The following C14orf119 variants were observed in gnomAD, a reference collection of about 807,000 sequenced individuals.
The protein encoded by C14orf119 is uncharacterized protein C14orf119.
In C14orf119, 17 loss-of-function variants were observed where a neutral mutation model predicts 13.5. The ratio of observed to expected loss-of-function variants is 1.26; its 90% CI spans 0.86 to 1.88. The LOEUF (loss-of-function observed/expected upper bound fraction) is 1.88, where lower values mean the gene tolerates loss of function less well. Ranked by LOEUF, C14orf119 falls within the 40% of genes most tolerant of loss-of-function variation. The pLI is 0.00. For synonymous variants in C14orf119, 61 were observed against 61.9 expected (o/e 0.99, Z 0.07); for missense variants, 162 against 165.9 (o/e 0.98, Z 0.13).
intron 1 of C14orf119, among the ~76,000 whole-genome samples, chr14:23,097,417 G>T (rs771227685): frequency 2.0e-5 from 3 of 152,208 alleles, no homozygotes; most frequent in Non-Finnish European, 4.4e-5. Flanking sequence ...AAGACAGTGG[G>T]TGGGGAAGAA....
At chr14:23,096,975 G>C (rs1354739118) in intron 1 of C14orf119, among the ~76,000 whole-genome samples, 2 of 152,096 alleles carry the variant, frequency 1.3e-5, no homozygotes, top group African/African-American at 4.8e-5. Context: ...AAACCAACTG[G>C]ACTCTTTTTT....
chr14:23,098,719 A>G lies in C14orf119; in HGVS notation c.*638A>G, dbSNP rs1271083726. ...AAGTTTGGAGTGCAGTGGCATGATC[A>G]TCAGTGAGCGTGAGATCACTGTAAC... On this transcript the variant is annotated 3_prime_UTR_variant, in exon 2 of 2. Coordinates refer to ENST00000319074, the MANE Select transcript of C14orf119 (RefSeq NM_017924.4). The G allele has an allele frequency of 6.0e-6, 1 of 167,342 alleles. No individual in the cohort carries two copies. Among genetic ancestry groups the G allele is most frequent in the Non-Finnish European group, 1.5e-5 (1 of 68,900 alleles). The allele number at this position is 167,342 out of a possible 1,614,324, so 10.4% of individuals were successfully genotyped here.
In C14orf119 at chr14:23,098,358, T is replaced by TCTG; in HGVS notation, c.*279_*281dup. On this transcript the variant is annotated 3_prime_UTR_variant, in exon 2 of 2. Transcript: ENST00000319074. ...AGTCCTCAAGAATTTGATGGCTTCT[T>TCTG]CTGCAGCTATAACCACAAGGAACCT... 1 of 404,548 alleles carries TCTG rather than the reference T, an allele frequency of 2.5e-6. No individual in the cohort carries two copies. Among genetic ancestry groups the TCTG allele is most frequent in the South Asian group, 3.3e-5 (1 of 30,734 alleles). The allele number at this position is 404,548 out of a possible 1,614,324, so 25.1% of individuals were successfully genotyped here.
In C14orf119 at chr14:23,098,066, A is replaced by T; in HGVS notation, c.408A>T (p.Thr136=). Residue 136 remains threonine (T), a synonymous_variant, in exon 2 of 2, where the codon ACA becomes ACT. Transcript: ENST00000319074. ...VAKFYQAVAA[T]AGKD is the part of the protein sequence containing the mutation. ...AGTTTTACCAAGCAGTGGCTGCTACAGCTGGTAAGGACTGATAGGCATTCA... is the reference window on the plus strand; with the variant it reads ...AGTTTTACCAAGCAGTGGCTGCTACTGCTGGTAAGGACTGATAGGCATTCA... 6.2e-7 allele frequency: 1 copy of T among 1,613,890 alleles called. No individual in the cohort carries two copies. Among genetic ancestry groups the T allele is most frequent in the Non-Finnish European group, 8.5e-7 (1 of 1,179,978 alleles).
At chr14:23,096,554 A>G (rs1309624833) in intron 1 of C14orf119, among the ~76,000 whole-genome samples, 1 of 144,646 alleles carries the variant, frequency 6.9e-6, no homozygotes, top group Admixed American at 6.9e-5. Flanking sequence ...ACCAATAGAT[A>G]CCATACTAAA....
In C14orf119 at chr14:23,100,409, A is replaced by G; in HGVS notation, c.*2328A>G. The stretch of plus-strand genomic sequence containing the variant: ...TGTTCTCTGAAACGCAACCCTGTCT[A>G]GGACAATATACACGTGAGTGAGTGC... On this transcript the variant is annotated 3_prime_UTR_variant, in exon 2 of 2. Transcript: ENST00000319074. 4.8e-6 allele frequency: 2 copies of G among 412,516 alleles called. No homozygotes were observed. Among genetic ancestry groups the G allele is most frequent in the Non-Finnish European group, 8.8e-6 (2 of 226,020 alleles). The allele number at this position is 412,516 out of a possible 1,614,324, so 25.6% of individuals were successfully genotyped here. A position where few individuals can be genotyped will look rare whatever the true frequency, so the allele number is the denominator to read the frequency against.
At position 23,097,686 on chromosome 14, in the gene C14orf119, C is replaced by G. The variant is rs778093768; in HGVS notation, c.28C>G (p.Pro10Ala). The G allele has an allele frequency of 9.3e-6, 15 of 1,614,084 alleles. No homozygotes were observed. Among genetic ancestry groups the G allele is most frequent in the Non-Finnish European group, 1.3e-5 (15 of 1,179,946 alleles). MPLESSSSM[P>A]LSFPSLLPSV... ...GCCACTGGAGTCATCCTCTTCAATG[C>G]CACTATCCTTCCCATCTCTCTTACC... Residue 10 changes from proline to alanine, a missense_variant, in exon 2 of 2, where the codon CCA becomes GCA. Pro to Ala is a conservative substitution (Grantham distance 27). Transcript: ENST00000319074.
Position 23,097,880 on chromosome 14 carries a change from G to GGATA in C14orf119, c.224_227dup (p.Ser76ArgfsTer2), listed in dbSNP as rs769811993. The GGATA allele has an allele frequency of 6.2e-7, 1 of 1,614,158 alleles. No individual in the cohort carries two copies. Among genetic ancestry groups the GGATA allele is most frequent in the Non-Finnish European group, 8.5e-7 (1 of 1,179,992 alleles). On this transcript the variant is annotated frameshift_variant, in exon 2 of 2. Transcript: ENST00000319074. LOFTEE classifies it high-confidence loss of function. ...TGCCAGAAAAATTACAACCACTGCTGGATAGTCTGGAGCAGCTTAGTGTGT... is the reference window on the plus strand; with the variant it reads ...TGCCAGAAAAATTACAACCACTGCTGGATAGATAGTCTGGAGCAGCTTAGTGTGT...
rs538913502 is a variant in C14orf119, at chr14:23,097,738, C to A, written c.80C>A (p.Ser27Tyr). ...LPSVPHNTNP[S>Y]PPLMSYITSQ... ...TCAGTACCACACAATACTAACCCTT[C>A]CCCTCCTCTGATGTCTTACATCACC... Residue 27 changes from serine to tyrosine, a missense_variant, in exon 2 of 2, where the codon TCC becomes TAC. Ser to Tyr is a moderately radical substitution (Grantham distance 144, BLOSUM62 -2). Coordinates refer to ENST00000319074, the MANE Select transcript of C14orf119 (RefSeq NM_017924.4). 146 of 1,614,030 alleles carry A rather than the reference C, an allele frequency of 9.0e-5. 2 individuals carry two copies. The South Asian group carries it at 1.5e-3, about 17-fold the overall frequency.
rs1202411202 is a variant in C14orf119, at chr14:23,098,314, T to C, written c.*233T>C. On this transcript the variant is annotated 3_prime_UTR_variant, in exon 2 of 2. Transcript: ENST00000319074. ...CCAGCTCATCAGTCTACTAGTTTGC[T>C]TCTTTCCGAGAGATGTCAAGTCCTC... 1 of 507,902 alleles carries C rather than the reference T, an allele frequency of 2.0e-6. No homozygotes were observed. The highest frequency in any genetic ancestry group is 3.6e-6 in the Non-Finnish European group (1 of 274,766). 31.5% of individuals were successfully genotyped at this position (507,902 alleles called of 1,614,324 possible).
Position 23,099,504 on chromosome 14 carries a change from G to T in C14orf119, c.*1423G>T. On this transcript the variant is annotated 3_prime_UTR_variant, in exon 2 of 2. Coordinates refer to ENST00000319074, the MANE Select transcript of C14orf119 (RefSeq NM_017924.4). ...TAACCAGCAACCTAGGAACATAGAA[G>T]GTAATATTTGGCATGGAATAATGCC... 1 of 411,798 alleles carries T rather than the reference G, an allele frequency of 2.4e-6. No homozygotes were observed. The highest frequency in any genetic ancestry group is 1.3e-4 in the South Asian group (1 of 7,770). The allele number at this position is 411,798 out of a possible 1,614,324, so 25.5% of individuals were successfully genotyped here. A position where few individuals can be genotyped will look rare whatever the true frequency, so the allele number is the denominator to read the frequency against.
chr14:23,097,797 G>T lies in C14orf119; in HGVS notation c.139G>T (p.Ala47Ser). The stretch of plus-strand genomic sequence containing the variant: ...GATGAAGTGTATTCTTCACTGGTTT[G>T]CCAATTGGTCAGGTCCCCAGCGTGA... ...QEMKCILHWF[A>S]NWSGPQRERF... The change falls in exon 2 of 2, where the codon GCC becomes TCC. Residue 47 changes from alanine (A) to serine (S), a missense_variant. Coordinates refer to ENST00000319074, the MANE Select transcript of C14orf119 (RefSeq NM_017924.4). 2 of 1,614,150 alleles carry T rather than the reference G, an allele frequency of 1.2e-6. No individual in the cohort carries two copies. Among genetic ancestry groups the T allele is most frequent in the Admixed American group, 3.3e-5 (2 of 60,022 alleles).
In C14orf119 at chr14:23,095,521, G is replaced by T. The variant is rs2048355856; in HGVS notation, c.-100G>T. 3.6e-6 allele frequency: 2 copies of T among 555,676 alleles called. No individual in the cohort carries two copies. Among genetic ancestry groups the T allele is most frequent in the Admixed American group, 3.6e-5 (1 of 27,800 alleles). 34.4% of individuals were successfully genotyped at this position (555,676 alleles called of 1,614,324 possible). ...CGGAAGTGCGTGGGCTGCCGGGCTG[G>T]CCCAGCTTAGGGTTTTCAGGAAATT... is the stretch of plus-strand genomic sequence containing the variant. On this transcript the variant is annotated 5_prime_UTR_variant, in exon 1 of 2. Transcript: ENST00000319074.
At position 23,095,530 on chromosome 14, in the gene C14orf119, A is replaced by G. The variant is rs993612868; in HGVS notation, c.-91A>G. ...GTGGGCTGCCGGGCTGGCCCAGCTT[A>G]GGGTTTTCAGGAAATTTGGAAGCTG... On this transcript the variant is annotated 5_prime_UTR_variant, in exon 1 of 2. Transcript: ENST00000319074. 11 of 517,110 alleles carry G rather than the reference A, an allele frequency of 2.1e-5. No individual in the cohort carries two copies. The highest frequency in any genetic ancestry group is 3.7e-5 in the Non-Finnish European group (11 of 294,468). 32.0% of individuals were successfully genotyped at this position (517,110 alleles called of 1,614,324 possible). A position where few individuals can be genotyped will look rare whatever the true frequency, so the allele number is the denominator to read the frequency against.
rs1222532569 is a variant in C14orf119 at position 23,099,869 on chromosome 14, T to A, written c.*1788T>A. 1 of 171,182 alleles carries A rather than the reference T, an allele frequency of 5.8e-6. No individual in the cohort carries two copies. Among genetic ancestry groups the A allele is most frequent in the Non-Finnish European group, 1.4e-5 (1 of 70,916 alleles). The allele number at this position is 171,182 out of a possible 1,614,324, so 10.6% of individuals were successfully genotyped here. On this transcript the variant is annotated 3_prime_UTR_variant, in exon 2 of 2. Transcript: ENST00000319074. ...GATCTAAGTCTTCTAGCATCTTATATTATTGGAAGAAGACCTAACTTGGCA... is the reference window on the plus strand; with the variant it reads ...GATCTAAGTCTTCTAGCATCTTATAATATTGGAAGAAGACCTAACTTGGCA...
Position 23,097,997 on chromosome 14 carries a change from A to G in C14orf119, c.339A>G (p.Glu113=). 6.2e-7 allele frequency: 1 copy of G among 1,614,138 alleles called. No individual in the cohort carries two copies. Among genetic ancestry groups the G allele is most frequent in the Non-Finnish European group, 8.5e-7 (1 of 1,180,028 alleles). Residue 113 remains glutamate (E), a synonymous_variant, in exon 2 of 2, where the codon GAA becomes GAG. Coordinates refer to ENST00000319074, the MANE Select transcript of C14orf119 (RefSeq NM_017924.4). The part of the protein sequence containing the change: ...FRGWAEQERN[E]FVRQLEFSEP... Reference sequence around the variant, plus strand: ...GCTGGGCTGAGCAGGAGCGCAATGAATTTGTCAGACAGCTGGAGTTCAGTG... The same window carrying G: ...GCTGGGCTGAGCAGGAGCGCAATGAGTTTGTCAGACAGCTGGAGTTCAGTG...
In C14orf119 at chr14:23,098,659, C is replaced by CTTTT. The variant is rs201509412; in HGVS notation, c.*589_*592dup. 3 of 153,738 alleles carry CTTTT rather than the reference C, an allele frequency of 2.0e-5. No homozygotes were observed. In the East Asian group the frequency reaches 5.9e-4, roughly 30 times the overall value. The allele number at this position is 153,738 out of a possible 1,614,324, so 9.5% of individuals were successfully genotyped here. ...ACTGTTTGAATCGAACTCGCGGTGA[C>CTTTT]TTTTTTTTTTTTTTAAAAACATGGG... On this transcript the variant is annotated 3_prime_UTR_variant, in exon 2 of 2. Coordinates refer to ENST00000319074, the MANE Select transcript of C14orf119 (RefSeq NM_017924.4).
chr14:23,096,504 G>T (rs2048374859), intron 1 of C14orf119, among the ~76,000 whole-genome samples: 1 of 69,678 alleles, frequency 1.4e-5, no homozygotes. Context: ...GCAAGACTCC[G>T]TCTCAAAAAA....
intron 1 of C14orf119, 59 bp from the exon 2 acceptor site, chr14:23,097,599 G>T: frequency 1.3e-6 from 2 of 1,487,110 alleles, no homozygotes; most frequent in Middle Eastern, 1.8e-4. Flanking sequence ...CTTGTTGCTT[G>T]AAAGTTGTAT....
Sources: gnomAD v4.1 joint callset for allele counts (sites outside exome capture counted in the v4.1 genomes callset) on GRCh38, gnomAD v4.1.1 for gene constraint, MANE v1.5 for transcripts, NCBI Gene and HGNC (gene_info 2026-07-23, HGNC 2026-07-21) for gene names.